Variants in CTIF observed in about 807,000 individuals in gnomAD.
The protein encoded by CTIF is cap binding complex dependent translation initiation factor.
CTIF carries 21 observed loss-of-function variants against 66.0 expected under a neutral mutation model. The ratio of observed to expected loss-of-function variants is 0.32; its 90% CI spans 0.23 to 0.46. CTIF has a LOEUF of 0.46. Among genes scored for constraint, CTIF ranks in the 20% least tolerant of loss-of-function variants. The pLI, the probability that CTIF is intolerant of heterozygous loss-of-function variation, is 1.00. For synonymous variants in CTIF, 345 were observed against 326.4 expected, an observed-to-expected ratio of 1.06 and a Z score of -0.62; for missense variants, 739 against 812.7, an observed-to-expected ratio of 0.91 and a Z score of 1.10.
At chr18:48,662,751 C>T (rs2091368015) in intron 3 of CTIF, 1 of 152,042 alleles carries the variant, frequency 6.6e-6, no homozygotes, top group African/African-American at 2.4e-5. Flanking sequence ...TGTTCCTGAA[C>T]ATAATTGGTT....
At chr18:48,651,972 T>C (rs925300592) in intron 3 of CTIF, among the ~76,000 whole-genome samples, 3 of 152,192 alleles carry the variant, frequency 2.0e-5, no homozygotes, top group African/African-American at 7.2e-5. Context: ...AAGCAGTGTG[T>C]AGAGGGAAAT....
intron 1 of CTIF, among the ~76,000 whole-genome samples, chr18:48,550,797 C>T (rs188824631): frequency 1.3e-4 from 20 of 152,248 alleles, no homozygotes; most frequent in Admixed American, 1.0e-3. Context: ...TGGTGCCGGC[C>T]ACAGGGTCCA....
At chr18:48,821,144 C>A (rs1341156244) in intron 10 of CTIF, among the ~76,000 whole-genome samples, 1 of 152,214 alleles carries the variant, frequency 6.6e-6, no homozygotes, top group South Asian at 2.1e-4. Context: ...TTTGAAGTCA[C>A]CTTTTCTGTG....
In CTIF at chr18:48,763,407, ACAGT is replaced by A. The variant is rs1263483593; in HGVS notation, c.1371+1722_1371+1725del. ...TCCAGCGGACCATCAATCCTGGGGAACAGTCAGCCACAAAGGGGGCCCTATGGCC... is the reference window on the plus strand; with the variant it reads ...TCCAGCGGACCATCAATCCTGGGGAACAGCCACAAAGGGGGCCCTATGGCC... On this transcript the variant is annotated intron_variant, in intron 9 of 11. Coordinates refer to ENST00000256413, the MANE Select transcript of CTIF (RefSeq NM_014772.3). Among the ~76,000 whole-genome samples, 4 of 152,338 alleles carry A rather than the reference ACAGT, an allele frequency of 2.6e-5. No homozygotes were observed. The South Asian group carries it at 6.2e-4, about 24-fold the overall frequency.
intron 7 of CTIF, among the ~76,000 whole-genome samples, chr18:48,735,919 G>A (rs2092497999): frequency 6.6e-6 from 1 of 152,180 alleles, no homozygotes; most frequent in African/African-American, 2.4e-5. Context: ...GGCTGGGCTG[G>A]TTGTGATCCT....
At chr18:48,691,878 A>G (rs1052339435) in intron 6 of CTIF, among the ~76,000 whole-genome samples, 10 of 152,090 alleles carry the variant, frequency 6.6e-5, no homozygotes, top group South Asian at 4.2e-4. Context: ...TTTACCTGCC[A>G]TTTTATCCTT....
intron 1 of CTIF, among the ~76,000 whole-genome samples, chr18:48,561,781 A>G (rs1417454151): frequency 1.3e-5 from 2 of 152,264 alleles, no homozygotes; most frequent in East Asian, 3.9e-4. Flanking sequence ...GTCTAGGAGG[A>G]CCAAGACCTG....
chr18:48,605,869 C>T (rs968162318), intron 1 of CTIF, among the ~76,000 whole-genome samples: 2 of 152,240 alleles, frequency 1.3e-5, no homozygotes, highest in Admixed American at 6.5e-5. Flanking sequence ...TTCTCAAGCA[C>T]GCACACTAGA....
chr18:48,856,016 C>T (rs1188551083), intron 10 of CTIF, among the ~76,000 whole-genome samples: 3 of 152,026 alleles, frequency 2.0e-5, no homozygotes, highest in African/African-American at 7.2e-5. Context: ...CAGGAGGGGA[C>T]GGCATTGAGA....
chr18:48,688,500 G>A (rs2091878791), intron 6 of CTIF: 1 of 152,312 alleles, frequency 6.6e-6, no homozygotes, highest in African/African-American at 2.4e-5. Context: ...GCCAGCATTG[G>A]ATGGAGGAAC....
intron 9 of CTIF, among the ~76,000 whole-genome samples, chr18:48,786,589 C>G (rs8091434): frequency 0.12 from 18,826 of 152,232 alleles, 1,297 homozygotes; most frequent in Non-Finnish European, 0.14. Context: ...CCCAGGCACT[C>G]TAAGGATTAC....
chr18:48,580,242 G>A (rs2089624755), intron 1 of CTIF, among the ~76,000 whole-genome samples: 1 of 152,210 alleles, frequency 6.6e-6, no homozygotes, highest in South Asian at 2.1e-4. Flanking sequence ...AGTGCTTGGT[G>A]CGGGTCACTG....
chr18:48,830,191 G>A (rs993176548), intron 10 of CTIF, among the ~76,000 whole-genome samples: 5 of 152,220 alleles, frequency 3.3e-5, no homozygotes, highest in Non-Finnish European at 7.3e-5. Context: ...TTGAGACAGT[G>A]TCTCGCTCTG....
intron 6 of CTIF, among the ~76,000 whole-genome samples, chr18:48,695,476 C>T (rs897748258): frequency 9.2e-5 from 14 of 152,284 alleles, no homozygotes; most frequent in South Asian, 6.2e-4. Context: ...CATTCCGCTA[C>T]GGTTCAATCC....
Position 48,619,676 on chromosome 18 carries a change from G to T in CTIF, c.111G>T (p.Val37=). Residue 37 remains valine, a synonymous_variant, in exon 2 of 12, where the codon GTG becomes GTT. Coordinates refer to ENST00000256413, the MANE Select transcript of CTIF (RefSeq NM_014772.3). ...FIDSYVLEYQ[V]QGLLADKTEG... ...ACAGCTACGTGCTGGAGTACCAGGT[G>T]CAGGGGCTGCTGGCTGACAAGACGG... The T allele has an allele frequency of 6.2e-7, 1 of 1,608,052 alleles. No homozygotes were observed. The highest frequency in any genetic ancestry group is 8.5e-7 in the Non-Finnish European group (1 of 1,177,454).
At chr18:48,551,323 T>C (rs946387827) in intron 1 of CTIF, among the ~76,000 whole-genome samples, 1 of 151,868 alleles carries the variant, frequency 6.6e-6, no homozygotes, top group African/African-American at 2.4e-5. Flanking sequence ...AGCCACCCAG[T>C]CTATGGTGGC....
intron 7 of CTIF, among the ~76,000 whole-genome samples, chr18:48,745,702 T>C (rs2145780414): frequency 6.6e-6 from 1 of 152,178 alleles, no homozygotes; most frequent in Middle Eastern, 3.4e-3. Flanking sequence ...CCTAGCTGAG[T>C]GGTGTTTAAT....
chr18:48,699,891 A>G (rs937078818), intron 6 of CTIF, among the ~76,000 whole-genome samples: 1 of 152,224 alleles, frequency 6.6e-6, no homozygotes, highest in East Asian at 1.9e-4. Context: ...TTGATGCCTG[A>G]TCTCTGCTCA....
intron 1 of CTIF, among the ~76,000 whole-genome samples, chr18:48,557,088 G>T (rs974425126): frequency 6.6e-6 from 1 of 152,124 alleles, no homozygotes; most frequent in Non-Finnish European, 1.5e-5. Flanking sequence ...AGTCCAGCAG[G>T]GACTGAAGGA....
Sources: gnomAD v4.1 joint callset for allele counts (sites outside exome capture counted in the v4.1 genomes callset) on GRCh38, gnomAD v4.1.1 for gene constraint, MANE v1.5 for transcripts, NCBI Gene and HGNC (gene_info 2026-07-23, HGNC 2026-07-21) for gene names.